The following USF3 variants were observed in gnomAD, a reference collection of about 807,000 sequenced individuals.
The protein encoded by USF3 is upstream transcription factor family member 3, also known as basic helix-loop-helix domain-containing protein USF3.
USF3 carries 29 observed loss-of-function variants against 157.5 expected under a neutral mutation model. The ratio of observed to expected loss-of-function variants is 0.18; its 90% confidence interval spans 0.14 to 0.25. The LOEUF is 0.25. Among genes scored for constraint, USF3 ranks in the 10% least tolerant of loss-of-function variants. The pLI is 1.00. For synonymous variants in USF3, 893 were observed against 941.4 expected (o/e 0.95, Z 0.94); for missense variants, 2,381 against 2,667.6 (o/e 0.89, Z 2.37).
chr3:113,684,407 GA>G (rs1333293744), intron 1 of USF3, among the ~76,000 whole-genome samples: 1 of 152,010 alleles, frequency 6.6e-6, no homozygotes, highest in Admixed American at 6.6e-5. Context: ...TCTAGGTTTG[GA>G]AAGTTCTCCA....
chr3:113,673,304 T>G, intron 4 of USF3, 44 bp downstream of exon 4: 1 of 1,393,332 alleles, frequency 7.2e-7, no homozygotes, highest in Non-Finnish European at 1.0e-6. Context: ...GATTTCATTT[T>G]GAATGCAAAA....
rs1559711157 is a variant in USF3, at chr3:113,660,523, T to C, written c.1159A>G (p.Ser387Gly). The C allele has an allele frequency of 1.2e-6, 2 of 1,613,978 alleles. No individual in the cohort carries two copies. The highest frequency in any genetic ancestry group is 2.7e-5 in the African/African-American group (2 of 74,900). Residue 387 changes from serine to glycine, a missense_variant, in exon 7 of 7, where the codon AGC (serine) becomes GGC (glycine). Physicochemically the swap from Ser to Gly is moderately conservative, Grantham distance 56 (BLOSUM62 0). This residue lies in a region of USF3 where 1,435 missense variants were observed against 1,550.9 expected (regional missense o/e 0.93). Coordinates refer to ENST00000316407, the MANE Select transcript of USF3 (RefSeq NM_001009899.4). Reference sequence around the variant, plus strand: ...TCCAAAGGGTTTCCCGAAAGAGTGCTTATAGGAATGGTGGCCTTCCCTACT... The same window carrying C: ...TCCAAAGGGTTTCCCGAAAGAGTGCCTATAGGAATGGTGGCCTTCCCTACT... ...PGVGKATIPI[S>G]TLSGNPLDNG... is the part of the protein sequence containing the mutation.
At position 113,656,885 on chromosome 3, in the gene USF3, A is replaced by G; in HGVS notation, c.4797T>C (p.Asp1599=). 1 of 1,614,194 alleles carries G rather than the reference A, an allele frequency of 6.2e-7. No homozygotes were observed. The highest frequency in any genetic ancestry group is 8.5e-7 in the Non-Finnish European group (1 of 1,180,036). Reference sequence around the variant, plus strand: ...CAACATCCTGCTGTTGGTGCATAATATCTTGATTGAGATGGTTCTGGGGAT... The same window carrying G: ...CAACATCCTGCTGTTGGTGCATAATGTCTTGATTGAGATGGTTCTGGGGAT... The part of the protein sequence containing the change: ...HNHPQNHLNQ[D]IMHQQQDVGS... The change falls in exon 7 of 7, where the codon GAT becomes GAC. Residue 1599 remains aspartate, a synonymous_variant. Coordinates refer to ENST00000316407, the MANE Select transcript of USF3 (RefSeq NM_001009899.4).
Position 113,661,331 on chromosome 3 carries a change from T to C in USF3, c.351A>G (p.Leu117=). ...IELLKANDIC[L]YDDPTIHWKG... ...TCCAGTGAATTGTCGGGTCATCATA[T>C]AAGCATATGTCATTAGCTTTCAGTA... The change falls in exon 7 of 7, where the codon TTA becomes TTG. Residue 117 remains leucine (L), a synonymous_variant. Coordinates refer to ENST00000316407, the MANE Select transcript of USF3 (RefSeq NM_001009899.4). 1 of 1,613,464 alleles carries C rather than the reference T, an allele frequency of 6.2e-7. No homozygotes were observed. The highest frequency in any genetic ancestry group is 2.2e-5 in the East Asian group (1 of 44,882).
chr3:113,666,418 A>AT (rs776257698), intron 5 of USF3, among the ~76,000 whole-genome samples: 3,575 of 136,062 alleles, frequency 0.026, 55 homozygotes, highest in African/African-American at 0.031. Context: ...TGCCTGGCTA[A>AT]TTTTTTTTTT....
chr3:113,660,324 G>A lies in USF3; in HGVS notation c.1358C>T (p.Ala453Val), dbSNP rs1947459742. 4 of 1,614,230 alleles carry A rather than the reference G, an allele frequency of 2.5e-6. No homozygotes were observed. Among genetic ancestry groups the A allele is most frequent in the Non-Finnish European group, 2.5e-6 (3 of 1,180,044 alleles). ...IQPLSQTPSS[A>V]VTPVLNESGT... is the part of the protein sequence containing the mutation. ...AGACTCATTTAATACTGGAGTCACA[G>A]CAGAAGATGGTGTCTGGCTTAAGGG... The change falls in exon 7 of 7, where the codon GCT becomes GTT. Residue 453 changes from alanine (A) to valine (V), a missense_variant. This residue lies in a region of USF3 where 1,435 missense variants were observed against 1,550.9 expected (regional missense o/e 0.93). Coordinates refer to ENST00000316407, the MANE Select transcript of USF3 (RefSeq NM_001009899.4).
chr3:113,672,786 T>C (rs371123503), intron 4 of USF3, among the ~76,000 whole-genome samples: 2 of 152,250 alleles, frequency 1.3e-5, no homozygotes, highest in African/African-American at 4.8e-5. Context: ...GTATCGTTTA[T>C]AGATACAGTG....
chr3:113,691,668 T>G (rs978774814), intron 1 of USF3, among the ~76,000 whole-genome samples: 2 of 152,214 alleles, frequency 1.3e-5, no homozygotes, highest in Admixed American at 6.5e-5. Context: ...AGCTTCTGTT[T>G]TCCTGGCCTT....
chr3:113,652,921 T>C lies in USF3; in HGVS notation c.*2023A>G. On this transcript the variant is annotated 3_prime_UTR_variant, in exon 7 of 7. Transcript: ENST00000316407. ...GCAGTGAGCCAAGATCCTGCCATTG[T>C]AGACTCCAGCCTGGGTGACAAAGTG... The C allele has an allele frequency of 3.4e-6, 2 of 585,578 alleles. No individual in the cohort carries two copies. The highest frequency in any genetic ancestry group is 5.5e-6 in the Non-Finnish European group (2 of 362,434). 36.3% of individuals were successfully genotyped at this position (585,578 alleles called of 1,614,324 possible).
intron 1 of USF3, among the ~76,000 whole-genome samples, chr3:113,690,043 T>C (rs114233233): frequency 6.5e-4 from 99 of 152,368 alleles, no homozygotes; most frequent in Non-Finnish European, 1.3e-3. Flanking sequence ...AATCTTTGGT[T>C]AGGCAAAGCT....
rs1010207719 is a variant in USF3 at position 113,683,522 on chromosome 3, A to G, written c.-134-6125T>C. ...TCTCGCTCTGTCGCCAGGCTGGAGTACAGTGGTGCAATCTCAGCTCACTGC... is the reference window on the plus strand; with the variant it reads ...TCTCGCTCTGTCGCCAGGCTGGAGTGCAGTGGTGCAATCTCAGCTCACTGC... On this transcript the variant is annotated intron_variant, in intron 1 of 6. Transcript: ENST00000316407. Among the ~76,000 whole-genome samples the G allele has an allele frequency of 2.0e-4, 25 of 123,162 alleles. 1 individual carries two copies. The South Asian group carries it at 2.5e-3, about 12-fold the overall frequency. 80.8% of individuals were successfully genotyped at this position (123,162 alleles called of 152,430 possible). A position where few individuals can be genotyped will look rare whatever the true frequency, so the allele number is the denominator to read the frequency against.
chr3:113,668,052 G>C (rs894661087), intron 5 of USF3, among the ~76,000 whole-genome samples: 15 of 152,148 alleles, frequency 9.9e-5, no homozygotes, highest in African/African-American at 2.4e-5. Context: ...CTCTACAGAA[G>C]ATGGAGTGAG....
chr3:113,679,191 G>A (rs371375697), intron 1 of USF3, among the ~76,000 whole-genome samples: 1 of 152,108 alleles, frequency 6.6e-6, no homozygotes, highest in African/African-American at 2.4e-5. Context: ...TTTTATGGAA[G>A]AACTATTCCT....
intron 4 of USF3, among the ~76,000 whole-genome samples, chr3:113,671,579 C>T (rs967908039): frequency 6.6e-6 from 1 of 152,114 alleles, no homozygotes; most frequent in Admixed American, 6.5e-5. Context: ...TTAGTATTGG[C>T]TATTTTCTAT....
intron 1 of USF3, among the ~76,000 whole-genome samples, chr3:113,684,111 T>C (rs1381121907): frequency 6.6e-6 from 1 of 152,232 alleles, no homozygotes; most frequent in Non-Finnish European, 1.5e-5. Flanking sequence ...TTGAAGTGTA[T>C]TTTCACTGGA....
intron 4 of USF3, among the ~76,000 whole-genome samples, chr3:113,671,842 C>A (rs1707160016): frequency 6.9e-6 from 1 of 144,862 alleles, no homozygotes; most frequent in African/African-American, 2.6e-5. Context: ...AATCACAGCT[C>A]ACTGCAGTCT....
chr3:113,686,318 C>G lies in USF3; in HGVS notation c.-134-8921G>C, dbSNP rs145130884. ...GCACAATCACTTTGCTCTCCCTCCC[C>G]CAAGCACAGCGATTCTCTCTGCATG... is the stretch of plus-strand genomic sequence containing the variant. On this transcript the variant is annotated intron_variant, in intron 1 of 6. Coordinates refer to ENST00000316407, the MANE Select transcript of USF3 (RefSeq NM_001009899.4). Among the ~76,000 whole-genome samples the G allele has an allele frequency of 1.8e-4, 28 of 152,326 alleles. No homozygotes were observed. The East Asian group carries it at 5.2e-3, about 28-fold the overall frequency.
In USF3 at chr3:113,652,847, T is replaced by G. The variant is rs1385288523; in HGVS notation, c.*2097A>C. 4.3e-6 allele frequency: 1 copy of G among 234,504 alleles called. No homozygotes were observed. The highest frequency in any genetic ancestry group is 2.3e-5 in the African/African-American group (1 of 42,710). 14.5% of individuals were successfully genotyped at this position (234,504 alleles called of 1,614,324 possible). A position where few individuals can be genotyped will look rare whatever the true frequency, so the allele number is the denominator to read the frequency against. ...GGCACAGACCTGTAATCTCAGCTACTCGGGAGGCTGAGGCTCAAGAATTTG... is the reference window on the plus strand; with the variant it reads ...GGCACAGACCTGTAATCTCAGCTACGCGGGAGGCTGAGGCTCAAGAATTTG... On this transcript the variant is annotated 3_prime_UTR_variant, in exon 7 of 7. Transcript: ENST00000316407.
At chr3:113,681,356 C>T (rs1257492247) in intron 1 of USF3, among the ~76,000 whole-genome samples, 1 of 152,052 alleles carries the variant, frequency 6.6e-6, no homozygotes, top group Non-Finnish European at 1.5e-5. Context: ...GTTTTGTATG[C>T]TGTGTTTCCA....
Sources: allele counts gnomAD v4.1 joint callset (sites outside exome capture counted in the v4.1 genomes callset), GRCh38; gene constraint gnomAD v4.1.1; regional missense constraint gnomAD v4.1.1; transcripts MANE v1.5; gene names NCBI Gene and HGNC (gene_info 2026-07-23, HGNC 2026-07-21).